Variants in CMSS1 observed in about 807,000 individuals in gnomAD.
CMSS1 encodes the protein cms1 ribosomal small subunit homolog, also known as protein CMSS1.
CMSS1 carries 33 observed loss-of-function variants against 43.5 expected under a neutral mutation model. The ratio of observed to expected loss-of-function variants is 0.76; its 90% CI spans 0.57 to 1.01. The LOEUF is 1.01. Ranked by LOEUF, CMSS1 falls within the 50% of genes least tolerant of loss-of-function variation. CMSS1 has a pLI of 0.00. For missense variants in CMSS1, 313 were observed against 326.4 expected (o/e 0.96, Z 0.32); for synonymous variants, 115 against 117.2 (o/e 0.98, Z 0.12).
intron 1 of CMSS1, among the ~76,000 whole-genome samples, chr3:100,034,741 T>C (rs2065078570): frequency 6.6e-6 from 1 of 152,238 alleles, no homozygotes; most frequent in Admixed American, 6.5e-5. Context: ...TAAAGAATAT[T>C]AGTGTCAGTT....
chr3:100,166,995 C>G (rs1358224801), intron 5 of CMSS1, among the ~76,000 whole-genome samples: 1 of 152,002 alleles, frequency 6.6e-6, no homozygotes, highest in Non-Finnish European at 1.5e-5. Flanking sequence ...AGATCCTCCC[C>G]ACTCAGCCTC....
chr3:100,124,927 A>G (rs1221514259), intron 1 of CMSS1, among the ~76,000 whole-genome samples: 1 of 151,908 alleles, frequency 6.6e-6, no homozygotes, highest in African/African-American at 2.4e-5. Context: ...CCTCATCCCC[A>G]CCAGCCATTC....
intron 1 of CMSS1, among the ~76,000 whole-genome samples, chr3:99,958,242 T>TATC (rs1474196151): frequency 7.0e-6 from 1 of 143,764 alleles, no homozygotes; most frequent in Non-Finnish European, 1.5e-5. Context: ...TTATTATTAT[T>TATC]ATTATTATTT....
At chr3:99,862,053 G>A (rs1345557225) in intron 1 of CMSS1, among the ~76,000 whole-genome samples, 1 of 152,130 alleles carries the variant, frequency 6.6e-6, no homozygotes, top group Non-Finnish European at 1.5e-5. Flanking sequence ...AAGTAGGATG[G>A]TGAGTACTAA....
intron 1 of CMSS1, among the ~76,000 whole-genome samples, chr3:99,900,883 T>C (rs944296741): frequency 5.9e-5 from 9 of 152,208 alleles, no homozygotes; most frequent in Non-Finnish European, 1.2e-4. Flanking sequence ...GAAGCACTGA[T>C]CTAAAGGAAA....
At chr3:100,029,522 A>G (rs1193096194) in intron 1 of CMSS1, among the ~76,000 whole-genome samples, 1 of 152,178 alleles carries the variant, frequency 6.6e-6, no homozygotes, top group Admixed American at 6.6e-5. Flanking sequence ...CTATATATAC[A>G]TAGACCATAC....
chr3:99,869,276 T>C (rs966074877), intron 1 of CMSS1, among the ~76,000 whole-genome samples: 1 of 152,286 alleles, frequency 6.6e-6, no homozygotes, highest in Admixed American at 6.5e-5. Flanking sequence ...GCATCTGTGT[T>C]CAGCCTAATG....
intron 1 of CMSS1, chr3:99,849,418 T>A: frequency 6.2e-7 from 1 of 1,614,188 alleles, no homozygotes; most frequent in African/African-American, 1.3e-5. Flanking sequence ...CCTGTTTTCT[T>A]GTTGATTTAG....
chr3:99,964,894 C>A (rs1226353177), intron 1 of CMSS1, among the ~76,000 whole-genome samples: 1 of 152,088 alleles, frequency 6.6e-6, no homozygotes, highest in East Asian at 1.9e-4. Context: ...GAACATCAGT[C>A]CCATAGTGCA....
intron 1 of CMSS1, chr3:99,849,031 G>A (rs1191672067): frequency 6.2e-7 from 1 of 1,614,092 alleles, no homozygotes; most frequent in Non-Finnish European, 8.5e-7. Flanking sequence ...GTTGGCATTG[G>A]GTTTAGTTTG....
intron 1 of CMSS1, among the ~76,000 whole-genome samples, chr3:100,054,819 A>G (rs2065437489): frequency 1.3e-5 from 2 of 152,000 alleles, no homozygotes; most frequent in Admixed American, 1.3e-4. Context: ...CTCTCTCACC[A>G]TCACTGGTGT....
At chr3:100,032,186 T>C (rs1020614344) in intron 1 of CMSS1, among the ~76,000 whole-genome samples, 2 of 152,098 alleles carry the variant, frequency 1.3e-5, no homozygotes, top group Non-Finnish European at 2.9e-5. Context: ...TGAAAGACAA[T>C]TATTTAAATG....
intron 1 of CMSS1, among the ~76,000 whole-genome samples, chr3:99,970,386 G>A (rs939653630): frequency 6.6e-6 from 1 of 152,214 alleles, no homozygotes; most frequent in African/African-American, 2.4e-5. Context: ...TCTTAAGCAT[G>A]TAATAACTGA....
At position 99,983,383 on chromosome 3, in the gene CMSS1, TAAATAA is replaced by T. The variant is rs1369078473; in HGVS notation, c.65-163588_65-163583del. Reference sequence around the variant, plus strand: ...ACCCTGTCTCTACTTAAAAAATAAATAAATAAATATATATATATATATATATATATA... The same window carrying T: ...ACCCTGTCTCTACTTAAAAAATAAATATATATATATATATATATATATATA... On this transcript the variant is annotated intron_variant, in intron 1 of 9. Transcript: ENST00000421999. Among the ~76,000 whole-genome samples the T allele has an allele frequency of 5.1e-3, 154 of 30,042 alleles. 3 individuals are homozygous for T. The highest frequency in any genetic ancestry group is 0.012 in the East Asian group (14 of 1,176). The allele number at this position is 30,042 out of a possible 152,430, so 19.7% of individuals were successfully genotyped here.
chr3:99,982,470 G>A (rs962007629), intron 1 of CMSS1, among the ~76,000 whole-genome samples: 8 of 151,882 alleles, frequency 5.3e-5, no homozygotes, highest in African/African-American at 1.9e-4. Context: ...CCTCCTGAAT[G>A]GCTGGGACTA....
At chr3:100,126,767 G>A (rs2066665930) in intron 1 of CMSS1, among the ~76,000 whole-genome samples, 1 of 152,180 alleles carries the variant, frequency 6.6e-6, no homozygotes, top group Non-Finnish European at 1.5e-5. Flanking sequence ...GGGAGGCCGA[G>A]GCCGGTGGAT....
At position 100,101,070 on chromosome 3, in the gene CMSS1, C is replaced by T. The variant is rs115305917; in HGVS notation, c.65-45903C>T. Among the ~76,000 whole-genome samples, 931 of 152,192 alleles carry T rather than the reference C, an allele frequency of 6.1e-3. 6 individuals are homozygous for T. Among genetic ancestry groups the T allele is most frequent in the African/African-American group, 0.018 (738 of 41,524 alleles). On this transcript the variant is annotated intron_variant, in intron 1 of 9. Coordinates refer to ENST00000421999, the MANE Select transcript of CMSS1 (RefSeq NM_032359.4). ...TTGGAGTACCTTGACCACTTTTGTA[C>T]CTGGGGGCCTCTGGAGCTGGGTGGT...
chr3:99,900,943 G>C (rs1423099907), intron 1 of CMSS1, among the ~76,000 whole-genome samples: 1 of 152,196 alleles, frequency 6.6e-6, no homozygotes, highest in Non-Finnish European at 1.5e-5. Flanking sequence ...GGGGCATGAT[G>C]GTAGTAGGAT....
intron 1 of CMSS1, among the ~76,000 whole-genome samples, chr3:99,904,322 A>G (rs1706540206): frequency 6.6e-6 from 1 of 152,212 alleles, no homozygotes; most frequent in Admixed American, 6.5e-5. Context: ...CAGTAGGGAG[A>G]GAAAACATTG....
Sources: allele counts gnomAD v4.1 joint callset (sites outside exome capture counted in the v4.1 genomes callset), GRCh38; gene constraint gnomAD v4.1.1; transcripts MANE v1.5; gene names NCBI Gene and HGNC (gene_info 2026-07-23, HGNC 2026-07-21).